PPARGC1A: variants seen among roughly 807,000 people sequenced by gnomAD.
The protein encoded by PPARGC1A is peroxisome proliferator-activated receptor gamma coactivator 1-alpha.
Under a neutral mutation model 88.7 loss-of-function variants are expected in PPARGC1A, and 25 were observed. The observed-to-expected ratio is 0.28, with a 90% CI of 0.21 to 0.39. The LOEUF is 0.39. PPARGC1A is among the 10% of genes least tolerant of loss of function. The probability of loss-of-function intolerance (pLI) is 1.00; values close to 1 mark genes in which losing one functional copy is unlikely to be tolerated. For missense variants in PPARGC1A, 880 were observed against 968.7 expected (o/e 0.91, Z 1.22); for synonymous variants, 363 against 355.6 (o/e 1.02, Z -0.24).
chr4:24,379,721 ATG>A, the PPARGC1A span, among the ~76,000 whole-genome samples: 9 of 152,040 alleles, frequency 5.9e-5, no homozygotes, highest in East Asian at 1.7e-3. Flanking sequence ...GATGAAATAA[ATG>A]TGAGTGGTGG....
the PPARGC1A span, among the ~76,000 whole-genome samples, chr4:24,113,234 G>A: frequency 6.6e-5 from 10 of 152,136 alleles, no homozygotes; most frequent in East Asian, 1.8e-3. Context: ...TGGCAGCCAT[G>A]CTTCACACGT....
the PPARGC1A span, chr4:24,091,362 G>A: frequency 4.1e-5 from 35 of 852,592 alleles, no homozygotes; most frequent in Non-Finnish European, 4.8e-5. Flanking sequence ...GGACGTGCTT[G>A]CAGATAGCAC....
chr4:23,870,840 C>A (rs59002841), intron 2 of PPARGC1A, among the ~76,000 whole-genome samples: 7,212 of 151,618 alleles, frequency 0.048, 398 homozygotes, highest in African/African-American at 0.13. Flanking sequence ...CATAAAAATG[C>A]GTACTATCTA....
chr4:23,871,484 G>A (rs1047302894), intron 2 of PPARGC1A, among the ~76,000 whole-genome samples: 2 of 152,204 alleles, frequency 1.3e-5, no homozygotes, highest in Non-Finnish European at 2.9e-5. Context: ...TCTCCAGTGG[G>A]AATAGGAGGT....
the PPARGC1A span, among the ~76,000 whole-genome samples, chr4:24,389,171 A>G: frequency 6.6e-6 from 1 of 152,150 alleles, no homozygotes; most frequent in African/African-American, 2.4e-5. Flanking sequence ...AAAATTTTGA[A>G]TATGCTCAAA....
chr4:24,296,131 T>C, the PPARGC1A span, among the ~76,000 whole-genome samples: 1 of 150,966 alleles, frequency 6.6e-6, no homozygotes, highest in East Asian at 1.9e-4. Flanking sequence ...TATACACATG[T>C]ATATAGATAC....
intron 2 of PPARGC1A, among the ~76,000 whole-genome samples, chr4:23,858,247 A>G (rs1344755114): frequency 6.6e-6 from 1 of 152,156 alleles, no homozygotes; most frequent in African/African-American, 2.4e-5. Context: ...TTTAATTTTA[A>G]CAACAACCAA....
chr4:24,286,968 A>G, the PPARGC1A span, among the ~76,000 whole-genome samples: 1 of 152,148 alleles, frequency 6.6e-6, no homozygotes, highest in Non-Finnish European at 1.5e-5. Flanking sequence ...TTAAGAAATA[A>G]AGAGAGTGAT....
At chr4:24,100,553 C>T in the PPARGC1A span, among the ~76,000 whole-genome samples, 7 of 152,084 alleles carry the variant, frequency 4.6e-5, no homozygotes, top group African/African-American at 1.4e-4. Flanking sequence ...TGCATGACGC[C>T]GCCTCTGGAC....
At chr4:24,069,682 G>A in the PPARGC1A span, among the ~76,000 whole-genome samples, 2 of 152,124 alleles carry the variant, frequency 1.3e-5, no homozygotes, top group South Asian at 2.1e-4. Context: ...TAAAGAATAA[G>A]TAAATACTAT....
the PPARGC1A span, among the ~76,000 whole-genome samples, chr4:24,250,942 G>C: frequency 6.6e-6 from 1 of 152,176 alleles, no homozygotes; most frequent in African/African-American, 2.4e-5. Context: ...GTCTTCCACT[G>C]TCCCAGAACT....
the PPARGC1A span, among the ~76,000 whole-genome samples, chr4:24,300,621 C>T: frequency 6.6e-6 from 1 of 151,894 alleles, no homozygotes; most frequent in Non-Finnish European, 1.5e-5. Flanking sequence ...AGAACATCTA[C>T]CTAGTATTTA....
the PPARGC1A span, among the ~76,000 whole-genome samples, chr4:24,403,143 C>A: frequency 2.0e-5 from 3 of 152,166 alleles, no homozygotes; most frequent in Non-Finnish European, 4.4e-5. Flanking sequence ...TATCTGGCTC[C>A]CAAATCCTAC....
At chr4:23,841,927 C>T (rs1727113972) in intron 2 of PPARGC1A, among the ~76,000 whole-genome samples, 1 of 151,878 alleles carries the variant, frequency 6.6e-6, no homozygotes, top group Non-Finnish European at 1.5e-5. Flanking sequence ...TAATGGAAAC[C>T]ACCCATTTAA....
intron 7 of PPARGC1A, among the ~76,000 whole-genome samples, chr4:23,819,224 C>G (rs1259857179): frequency 6.6e-6 from 1 of 152,090 alleles, no homozygotes; most frequent in African/African-American, 2.4e-5. Flanking sequence ...CCTACTTCCC[C>G]AGGACTCACT....
chr4:24,069,281 G>A, the PPARGC1A span, among the ~76,000 whole-genome samples: 1 of 152,172 alleles, frequency 6.6e-6, no homozygotes, highest in Non-Finnish European at 1.5e-5. Flanking sequence ...AGTGGATATG[G>A]TAATACTGAT....
the PPARGC1A span, among the ~76,000 whole-genome samples, chr4:24,257,707 A>C: frequency 6.6e-6 from 1 of 152,150 alleles, no homozygotes; most frequent in Non-Finnish European, 1.5e-5. Context: ...CAAACACAAT[A>C]ATTAGCAAAC....
At chr4:24,341,110 A>G in the PPARGC1A span, among the ~76,000 whole-genome samples, 5 of 152,112 alleles carry the variant, frequency 3.3e-5, no homozygotes, top group Non-Finnish European at 7.4e-5. Context: ...ATATAACTCT[A>G]AAAGCTAATC....
At chr4:24,144,227 T>C in the PPARGC1A span, among the ~76,000 whole-genome samples, 2 of 152,242 alleles carry the variant, frequency 1.3e-5, no homozygotes, top group Non-Finnish European at 2.9e-5. Flanking sequence ...AATGGACAGA[T>C]GGTAACTGTT....
Sources: gnomAD v4.1 joint callset for allele counts (sites outside exome capture counted in the v4.1 genomes callset) on GRCh38, gnomAD v4.1.1 for gene constraint, MANE v1.5 for transcripts, NCBI Gene and HGNC (gene_info 2026-07-23, HGNC 2026-07-21) for gene names.